The following NAV3 variants were observed in gnomAD, a reference collection of about 807,000 sequenced individuals.
NAV3 encodes the protein pore membrane and/or filament interacting like protein 1.
A neutral mutation model predicts 244.7 loss-of-function variants in NAV3; 87 were observed. The ratio of observed to expected loss-of-function variants is 0.36; its 90% CI spans 0.30 to 0.42. The LOEUF (loss-of-function observed/expected upper bound fraction) is 0.42. NAV3 is among the 20% of genes least tolerant of loss of function. The pLI, the probability that NAV3 is intolerant of heterozygous loss-of-function variation, is 1.00. For missense variants in NAV3, 2,663 were observed against 2,893.3 expected (o/e 0.92, Z 1.83); for synonymous variants, 1,126 against 1,042.2 (o/e 1.08, Z -1.55).
In NAV3 at chr12:77,593,765, C is replaced by T. The variant is rs181128939; in HGVS notation, c.72+21499C>T. Among the ~76,000 whole-genome samples the T allele has an allele frequency of 2.5e-4, 38 of 151,686 alleles. No homozygotes were observed. The East Asian group carries it at 4.7e-3, about 19-fold the overall frequency. On this transcript the variant is annotated intron_variant, in intron 2 of 8. Coordinates refer to the NAV3 transcript ENST00000550042. ...CTGGGATTAGAGGCGTGAGCCACCA[C>T]GCCCAGCCTCTCCCTTGTGATTTTT...
intron 12 of NAV3, among the ~76,000 whole-genome samples, chr12:78,110,153 A>C (rs1955014234): frequency 6.6e-6 from 1 of 152,044 alleles, no homozygotes; most frequent in Non-Finnish European, 1.5e-5. Context: ...CCCAATAATA[A>C]AATAGCTAAG....
intron 24 of NAV3, 56 bp downstream of exon 24, chr12:78,168,922 A>G (rs1051313609): frequency 1.4e-5 from 16 of 1,175,268 alleles, no homozygotes; most frequent in Non-Finnish European, 1.9e-5. Flanking sequence ...TATTTTATTT[A>G]TTAATTACAG....
intron 9 of NAV3, among the ~76,000 whole-genome samples, chr12:78,038,274 A>G (rs1393768769): frequency 6.6e-6 from 1 of 152,210 alleles, no homozygotes; most frequent in Non-Finnish European, 1.5e-5. Context: ...CATAAGTATT[A>G]AATTCCTGGC....
chr12:77,766,353 C>T (rs867806994), intron 2 of NAV3, among the ~76,000 whole-genome samples: 1 of 152,182 alleles, frequency 6.6e-6, no homozygotes, highest in African/African-American at 2.4e-5. Context: ...ACTTAACTCC[C>T]ACTTTGGTAC....
At chr12:77,903,995 A>G (rs1042434177) in intron 1 of NAV3, among the ~76,000 whole-genome samples, 3 of 152,156 alleles carry the variant, frequency 2.0e-5, no homozygotes, top group Admixed American at 6.5e-5. Flanking sequence ...TCAGGAAACA[A>G]CAGGTGCTGG....
chr12:77,761,137 C>T lies in NAV3; in HGVS notation c.73-179182C>T, dbSNP rs1478973642. On this transcript the variant is annotated intron_variant, in intron 2 of 8. Coordinates refer to the NAV3 transcript ENST00000550042. ...TTAGTGGTGCTATCTCGGCTCACTG[C>T]AACCTCCGCCTCCCACGTTCAAGCG... Among the ~76,000 whole-genome samples the T allele has an allele frequency of 2.6e-5, 4 of 152,172 alleles. No individual in the cohort carries two copies. In the East Asian group the frequency reaches 5.8e-4, roughly 22 times the overall value.
chr12:77,910,830 G>T (rs1886508088), intron 1 of NAV3, among the ~76,000 whole-genome samples: 1 of 152,088 alleles, frequency 6.6e-6, no homozygotes, highest in African/African-American at 2.4e-5. Flanking sequence ...TTGGTGGTGT[G>T]CCACCAAAGT....
chr12:77,763,208 A>G (rs138519954), intron 2 of NAV3, among the ~76,000 whole-genome samples: 163 of 152,266 alleles, frequency 1.1e-3, no homozygotes, highest in African/African-American at 3.4e-3. Flanking sequence ...TCATTTATGC[A>G]AGGAATATTG....
chr12:77,794,622 A>T (rs1029320783), intron 2 of NAV3, among the ~76,000 whole-genome samples: 2 of 152,228 alleles, frequency 1.3e-5, no homozygotes, highest in African/African-American at 4.8e-5. Flanking sequence ...TTTTTTAAAA[A>T]AACTAATTGA....
rs115051875 is a variant in NAV3 at position 77,587,762 on chromosome 12, G to A, written c.72+15496G>A. 4.4e-3 allele frequency among the ~76,000 whole-genome samples: 672 copies of A among 152,250 alleles called. 4 individuals are homozygous for A. The highest frequency in any genetic ancestry group is 0.015 in the African/African-American group (640 of 41,548). On this transcript the variant is annotated intron_variant, in intron 2 of 8. Coordinates refer to the NAV3 transcript ENST00000550042. Reference sequence around the variant, plus strand: ...GATGCATGAATAGTTAATTTGCCAGGAATGTTAAGATTTGGTAGACTGAAG... The same window carrying A: ...GATGCATGAATAGTTAATTTGCCAGAAATGTTAAGATTTGGTAGACTGAAG...
intron 1 of NAV3, among the ~76,000 whole-genome samples, chr12:77,904,705 A>C (rs949132317): frequency 1.3e-5 from 2 of 152,250 alleles, no homozygotes; most frequent in African/African-American, 4.8e-5. Context: ...CGTGAAAACC[A>C]AGCTAACAGG....
At chr12:77,763,842 C>A (rs1869610623) in intron 2 of NAV3, among the ~76,000 whole-genome samples, 3 of 152,244 alleles carry the variant, frequency 2.0e-5, no homozygotes, top group South Asian at 2.1e-4. Flanking sequence ...GAATGGGTCC[C>A]ACACAGTTCC....
At chr12:77,685,302 T>C (rs745683612) in intron 2 of NAV3, among the ~76,000 whole-genome samples, 1 of 152,214 alleles carries the variant, frequency 6.6e-6, no homozygotes, top group Non-Finnish European at 1.5e-5. Context: ...GCAATTCTTT[T>C]GTGCAGTGAA....
intron 2 of NAV3, among the ~76,000 whole-genome samples, chr12:77,736,839 A>G (rs1877356002): frequency 6.6e-6 from 1 of 152,220 alleles, no homozygotes; most frequent in East Asian, 1.9e-4. Context: ...CATTGCATGA[A>G]TTTAGATAAG....
chr12:77,969,524 T>C (rs1301041024), intron 5 of NAV3, among the ~76,000 whole-genome samples: 2 of 152,090 alleles, frequency 1.3e-5, no homozygotes, highest in African/African-American at 4.8e-5. Context: ...ATTTCTCCTC[T>C]GAAGGAAGCC....
intron 2 of NAV3, among the ~76,000 whole-genome samples, chr12:77,820,098 G>A (rs1565826351): frequency 1.3e-5 from 2 of 152,080 alleles, no homozygotes; most frequent in Non-Finnish European, 2.9e-5. Context: ...AAGTGTGTGT[G>A]TGTGTGTGTG....
At chr12:77,902,099 G>A (rs1441123914) in intron 1 of NAV3, among the ~76,000 whole-genome samples, 1 of 152,102 alleles carries the variant, frequency 6.6e-6, no homozygotes, top group Non-Finnish European at 1.5e-5. Context: ...ATTATAATAT[G>A]TTGTTTGCAA....
At chr12:77,625,721 C>A (rs1871589178) in intron 2 of NAV3, among the ~76,000 whole-genome samples, 1 of 152,170 alleles carries the variant, frequency 6.6e-6, no homozygotes, top group Admixed American at 6.5e-5. Context: ...ATGGAGAATA[C>A]ACTATTGCAC....
At chr12:77,701,510 T>C (rs1304126404) in intron 2 of NAV3, among the ~76,000 whole-genome samples, 2 of 151,934 alleles carry the variant, frequency 1.3e-5, no homozygotes, top group Non-Finnish European at 2.9e-5. Flanking sequence ...TTTTCATTTT[T>C]ATTATTTTTT....
Sources: gnomAD v4.1 joint callset for allele counts (sites outside exome capture counted in the v4.1 genomes callset) on GRCh38, gnomAD v4.1.1 for gene constraint, MANE v1.5 for transcripts, NCBI Gene and HGNC (gene_info 2026-07-23, HGNC 2026-07-21) for gene names.